Variants in TRERF1 observed in about 807,000 individuals in gnomAD.
TRERF1 encodes transcriptional-regulating factor 1.
A neutral mutation model predicts 122.9 loss-of-function variants in TRERF1; 27 were observed. That is an observed-to-expected ratio of 0.22 (90% CI 0.16 to 0.30). The LOEUF is 0.30. Among genes scored for constraint, TRERF1 ranks in the 10% least tolerant of loss-of-function variants. The probability of loss-of-function intolerance (pLI) is 1.00; values close to 1 mark genes in which losing one functional copy is unlikely to be tolerated. For synonymous variants in TRERF1, 636 were observed against 641.7 expected (o/e 0.99, Z 0.13); for missense variants, 1,248 against 1,560.3 (o/e 0.80, Z 3.37).
exon 15 of TRERF1, chr6:42,243,256 C>T (rs138770125): frequency 2.5e-6 from 4 of 1,613,920 alleles, no homozygotes; most frequent in Middle Eastern, 1.7e-4. Flanking sequence ...ACCACACAAT[C>T]GTCGATGATT....
intron 3 of TRERF1, among the ~76,000 whole-genome samples, chr6:42,318,644 A>G (rs566726248): frequency 6.6e-5 from 10 of 152,358 alleles, no homozygotes; most frequent in African/African-American, 2.2e-4. Context: ...CTGAAGGCCA[A>G]TCCGCTGCCT....
intron 2 of TRERF1, among the ~76,000 whole-genome samples, chr6:42,415,982 CTT>C (rs1781777297): frequency 6.6e-6 from 1 of 151,962 alleles, no homozygotes; most frequent in Non-Finnish European, 1.5e-5. Context: ...CTCTTTAAGT[CTT>C]TTATGCCCGT....
intron 2 of TRERF1, among the ~76,000 whole-genome samples, chr6:42,412,082 A>G (rs1036273952): frequency 6.8e-6 from 1 of 147,930 alleles, no homozygotes; most frequent in Non-Finnish European, 1.5e-5. Flanking sequence ...CTCACCACAA[A>G]CTCCGCCTCC....
Position 42,268,247 on chromosome 6 carries a change from G to C in TRERF1, c.1344C>G (p.Leu448=). 1 of 1,498,888 alleles carries C rather than the reference G, an allele frequency of 6.7e-7. No homozygotes were observed. The highest frequency in any genetic ancestry group is 8.9e-7 in the Non-Finnish European group (1 of 1,124,694). The allele number at this position is 1,498,888 out of a possible 1,614,324, so 92.8% of individuals were successfully genotyped here. Residue 448 remains leucine, a synonymous_variant, in exon 5 of 18, where the codon CTC becomes CTG. Transcript: ENST00000372922. The surrounding 1 kb of genome is among the most constrained non-coding windows in gnomAD (Gnocchi z 4.4). ...TGGGGGATAGGAGGGGGCGATGGGG[G>C]AGGGTGCTGCTGACCCGGGTCAGAT... is the stretch of plus-strand genomic sequence containing the variant.
chr6:42,300,490 GT>G (rs1785981521), intron 4 of TRERF1, 147 bp downstream of exon 4: 1 of 152,426 alleles, frequency 6.6e-6, no homozygotes, highest in Non-Finnish European at 1.5e-5. Flanking sequence ...ACTTTAATCT[GT>G]AAAGTGACAT....
At position 42,269,078 on chromosome 6, in the gene TRERF1, T is replaced by C. The variant is rs759302722; in HGVS notation, c.513A>G (p.Ala171=). 4.3e-6 allele frequency: 7 copies of C among 1,614,224 alleles called. No individual in the cohort carries two copies. The highest frequency in any genetic ancestry group is 5.9e-6 in the Non-Finnish European group (7 of 1,180,038). The change falls in exon 5 of 18, where the codon GCA becomes GCG. Residue 171 remains alanine (A), a synonymous_variant. Transcript: ENST00000372922. The surrounding 1 kb of genome is among the most constrained non-coding windows in gnomAD (Gnocchi z 4.9). The stretch of plus-strand genomic sequence containing the variant: ...CACTGTCAGGGGCTCCATCCATCAC[T>C]GCTGACTGAGTGTGCAGCACCTGGG...
chr6:42,408,323 A>ATG (rs1780591275), intron 2 of TRERF1, among the ~76,000 whole-genome samples: 6 of 120,294 alleles, frequency 5.0e-5, no homozygotes, highest in Non-Finnish European at 1.0e-4. Flanking sequence ...ATGTGTGTGT[A>ATG]TATATATATA....
At chr6:42,422,103 CA>C (rs990498343) in intron 2 of TRERF1, among the ~76,000 whole-genome samples, 2 of 151,956 alleles carry the variant, frequency 1.3e-5, no homozygotes, top group African/African-American at 4.8e-5. Flanking sequence ...ACCCAGGAGA[CA>C]GAGGTTGCAG....
At chr6:42,398,200 C>T (rs1293077197) in intron 2 of TRERF1, among the ~76,000 whole-genome samples, 2 of 152,190 alleles carry the variant, frequency 1.3e-5, no homozygotes, top group Non-Finnish European at 2.9e-5. Context: ...TGAACATACA[C>T]AAAATATTCA....
intron 2 of TRERF1, among the ~76,000 whole-genome samples, chr6:42,379,135 T>TTA (rs145546688): frequency 0.1 from 15,762 of 151,862 alleles, 1,341 homozygotes; most frequent in African/African-American, 0.23. Flanking sequence ...AAAATTTTTT[T>TTA]AATATATTTT....
At chr6:42,399,667 C>G (rs1322620989) in intron 2 of TRERF1, among the ~76,000 whole-genome samples, 1 of 152,190 alleles carries the variant, frequency 6.6e-6, no homozygotes, top group Admixed American at 6.5e-5. Context: ...GTAGTCTGTT[C>G]CAGGCCTAAT....
Position 42,269,443 on chromosome 6 carries a change from C to A in TRERF1, c.148G>T (p.Ala50Ser), listed in dbSNP as rs957210587. 13 of 1,614,042 alleles carry A rather than the reference C, an allele frequency of 8.1e-6. No individual in the cohort carries two copies. The highest frequency in any genetic ancestry group is 1.0e-5 in the Non-Finnish European group (12 of 1,180,036). The change falls in exon 5 of 18, where the codon GCC becomes TCC. Residue 50 changes from alanine (A) to serine (S), a missense_variant. Transcript: ENST00000372922. This position sits in a 1 kb window ranked among gnomAD's most constrained non-coding sequence, Gnocchi z 4.9. ...GGGAAGTGGGGGGAGATTGGCGAGGCCTGAGGGGCATCCATTCCGCCCCCT... is the reference window on the plus strand; with the variant it reads ...GGGAAGTGGGGGGAGATTGGCGAGGACTGAGGGGCATCCATTCCGCCCCCT...
chr6:42,425,950 C>T (rs1039148858), intron 2 of TRERF1, among the ~76,000 whole-genome samples: 2 of 152,106 alleles, frequency 1.3e-5, no homozygotes, highest in African/African-American at 4.8e-5. Flanking sequence ...AAAGACTTTC[C>T]CTGCACGTGG....
intron 2 of TRERF1, among the ~76,000 whole-genome samples, chr6:42,365,162 C>T (rs72857652): frequency 0.015 from 2,235 of 152,164 alleles, 30 homozygotes; most frequent in Non-Finnish European, 0.023. Flanking sequence ...GTATCAAGTG[C>T]GGGCGTGGCC....
intron 3 of TRERF1, among the ~76,000 whole-genome samples, chr6:42,335,686 G>T (rs1311552815): frequency 3.3e-5 from 5 of 152,120 alleles, no homozygotes; most frequent in African/African-American, 1.2e-4. Context: ...TCTCTCTTCT[G>T]CCCTCCTCTT....
chr6:42,426,728 T>C (rs1373046934), intron 2 of TRERF1, among the ~76,000 whole-genome samples: 1 of 152,232 alleles, frequency 6.6e-6, no homozygotes, highest in East Asian at 1.9e-4. Flanking sequence ...CATTTACGAG[T>C]GATCTGTGAC....
At chr6:42,292,829 G>T (rs867064909) in intron 4 of TRERF1, among the ~76,000 whole-genome samples, 1 of 152,256 alleles carries the variant, frequency 6.6e-6, no homozygotes, top group Middle Eastern at 3.4e-3. Flanking sequence ...AGTTAGAAGG[G>T]GTGGGCCCTG....
At chr6:42,309,062 C>T (rs1037596602) in intron 3 of TRERF1, among the ~76,000 whole-genome samples, 5 of 152,218 alleles carry the variant, frequency 3.3e-5, no homozygotes, top group Non-Finnish European at 4.4e-5. Context: ...CCATTAGAGA[C>T]TTTAACTCAT....
chr6:42,404,206 C>T (rs1779848321), intron 2 of TRERF1, among the ~76,000 whole-genome samples: 1 of 152,184 alleles, frequency 6.6e-6, no homozygotes, highest in Admixed American at 6.5e-5. Context: ...TCAAGCTCAA[C>T]ATGTCAAAAG....
Sources: allele counts gnomAD v4.1 joint callset (sites outside exome capture counted in the v4.1 genomes callset), GRCh38; gene constraint gnomAD v4.1.1; non-coding constraint Gnocchi (gnomAD v3.1); transcripts MANE v1.5; gene names NCBI Gene and HGNC (gene_info 2026-07-23, HGNC 2026-07-21).